Variants in LTBP1 observed in about 807,000 individuals in gnomAD.
The protein encoded by LTBP1 is latent transforming growth factor beta binding protein 1.
Under a neutral mutation model 207.6 loss-of-function variants are expected in LTBP1, and 129 were observed. That is an observed-to-expected ratio of 0.62 (90% CI 0.54 to 0.72). LTBP1 has a LOEUF of 0.72. LTBP1 is among the 30% of genes least tolerant of loss of function. The probability of loss-of-function intolerance (pLI) is 0.00; values close to 1 mark genes in which losing one functional copy is unlikely to be tolerated. For missense variants in LTBP1, 2,281 were observed against 2,217.2 expected (o/e 1.03, Z -0.58); for synonymous variants, 963 against 833.7 (o/e 1.16, Z -2.67).
intron 24 of LTBP1, among the ~76,000 whole-genome samples, chr2:33,332,395 AAAAGAG>A (rs1462359633): frequency 1.7e-4 from 23 of 131,448 alleles, no homozygotes; most frequent in Admixed American, 5.0e-4. Flanking sequence ...AAAAAAAAAA[AAAAGAG>A]AGAGAGAGAC....
rs760430769 is a variant in LTBP1, at chr2:33,342,927, G to A, written c.3820G>A (p.Gly1274Ser). 5 of 1,613,940 alleles carry A rather than the reference G, an allele frequency of 3.1e-6. No homozygotes were observed. The East Asian group carries it at 6.7e-5, about 22-fold the overall frequency. ...CTCCTTCCGCTGCCTCTGTTATCAG[G>A]GCTTTCAAGCCCCACAGGATGGGCA... is the stretch of plus-strand genomic sequence containing the variant. ...AGSFRCLCYQGFQAPQDGQGC... is the reference protein window; with the variant it reads ...AGSFRCLCYQSFQAPQDGQGC... The change falls in exon 25 of 34, where the codon GGC (glycine) becomes AGC (serine). Residue 1274 changes from glycine (G) to serine (S), a missense_variant. Physicochemically the swap from Gly to Ser is moderately conservative, Grantham distance 56 (BLOSUM62 0). Coordinates refer to ENST00000404816, the MANE Select transcript of LTBP1 (RefSeq NM_206943.4).
intron 5 of LTBP1, among the ~76,000 whole-genome samples, chr2:33,138,922 G>T (rs557072151): frequency 9.1e-5 from 12 of 131,162 alleles, no homozygotes; most frequent in Non-Finnish European, 1.5e-4. Flanking sequence ...GCAGTGGCGC[G>T]ATCTCGGCTC....
chr2:32,959,063 A>G (rs151271129), intron 2 of LTBP1, among the ~76,000 whole-genome samples: 22 of 152,320 alleles, frequency 1.4e-4, no homozygotes, highest in Admixed American at 4.6e-4. Context: ...ACTCCACCAC[A>G]TTTGAGTAAT....
intron 2 of LTBP1, among the ~76,000 whole-genome samples, chr2:32,959,621 A>ATATATATATTTTTTTTTTTTT (rs1475834284): frequency 5.5e-5 from 2 of 36,664 alleles, no homozygotes; most frequent in African/African-American, 9.6e-5. Context: ...ATATATATAT[A>ATATATATATTTTTTTTTTTTT]TTTTTTTTTT....
intron 7 of LTBP1, among the ~76,000 whole-genome samples, chr2:33,203,205 G>T (rs1157020524): frequency 2.6e-5 from 4 of 152,178 alleles, no homozygotes. Flanking sequence ...AGTGTTAGCT[G>T]GTCTTGTTCC....
Position 33,293,213 on chromosome 2 carries a change from C to A in LTBP1, c.3166C>A (p.Leu1056Ile). The change falls in exon 20 of 34, where the codon CTT becomes ATT. Residue 1056 changes from leucine (L) to isoleucine (I), a missense_variant. Transcript: ENST00000404816. ...NVCANGDCSNLEGSYMCSCHK... is the reference protein window; with the variant it reads ...NVCANGDCSNIEGSYMCSCHK... ...CTGCGCAAATGGTGATTGTTCCAAC[C>A]TTGAAGGCTCCTACATGTGTTCATG... 6.2e-7 allele frequency: 1 copy of A among 1,614,072 alleles called. No individual in the cohort carries two copies. The highest frequency in any genetic ancestry group is 8.5e-7 in the Non-Finnish European group (1 of 1,179,988).
intron 32 of LTBP1, among the ~76,000 whole-genome samples, chr2:33,396,812 G>A (rs1277525497): frequency 6.6e-6 from 1 of 152,162 alleles, no homozygotes; most frequent in African/African-American, 2.4e-5. Context: ...GCAAACTCAC[G>A]AAGTTTGGAA....
rs544463209 is a variant in LTBP1, at chr2:33,291,236, A to G, written c.3113-1924A>G. 7.2e-5 allele frequency among the ~76,000 whole-genome samples: 11 copies of G among 152,354 alleles called. No individual in the cohort carries two copies. In the South Asian group the frequency reaches 2.1e-3, roughly 29 times the overall value. On this transcript the variant is annotated intron_variant, in intron 19 of 33. Transcript: ENST00000404816. ...CTAGAAAAATAGAAGTTTTATAAGT[A>G]TCTCCTAAATGGTAATCTGCAGTGT...
chr2:33,149,763 G>A (rs1381562943), intron 5 of LTBP1, among the ~76,000 whole-genome samples: 8 of 152,162 alleles, frequency 5.3e-5, no homozygotes, highest in Admixed American at 4.6e-4. Context: ...AGAAGTGATC[G>A]TATAACAGAA....
intron 5 of LTBP1, among the ~76,000 whole-genome samples, chr2:33,135,172 T>C (rs201310440): frequency 4.6e-5 from 7 of 152,236 alleles, no homozygotes; most frequent in Non-Finnish European, 1.0e-4. Flanking sequence ...AACTAGAATA[T>C]TTTCCCTTAT....
chr2:33,163,029 T>C (rs2148176831), intron 5 of LTBP1, among the ~76,000 whole-genome samples: 1 of 152,334 alleles, frequency 6.6e-6, no homozygotes, highest in East Asian at 1.9e-4. Context: ...TCACCCAGGC[T>C]ACAGTGCAGT....
In LTBP1 at chr2:33,041,434, G is replaced by A. The variant is rs181487623; in HGVS notation, c.863+20228G>A. On this transcript the variant is annotated intron_variant, in intron 3 of 33. Coordinates refer to ENST00000404816, the MANE Select transcript of LTBP1 (RefSeq NM_206943.4). ...CAAGTAGCTGGGACTACAGGTGCCC[G>A]CCACCATGCCCAGCTAATTTTTGTA... is the stretch of plus-strand genomic sequence containing the variant. Among the ~76,000 whole-genome samples the A allele has an allele frequency of 3.9e-3, 587 of 152,168 alleles. 1 individual carries two copies. Among genetic ancestry groups the A allele is most frequent in the African/African-American group, 9.2e-3 (380 of 41,514 alleles).
At chr2:33,210,884 A>G (rs904586930) in intron 7 of LTBP1, among the ~76,000 whole-genome samples, 3 of 152,126 alleles carry the variant, frequency 2.0e-5, no homozygotes, top group Non-Finnish European at 2.9e-5. Context: ...ACACAGTCCT[A>G]CTTACTCTTG....
rs1297523149 is a variant in LTBP1 at position 33,222,265 on chromosome 2, C to T, written c.1876+114C>T. 8.2e-6 allele frequency: 6 copies of T among 729,556 alleles called. No individual in the cohort carries two copies. In the African/African-American group the frequency reaches 1.0e-4, roughly 13 times the overall value. 45.2% of individuals were successfully genotyped at this position (729,556 alleles called of 1,614,324 possible). On this transcript the variant is annotated intron_variant, in intron 9 of 33. Transcript: ENST00000404816. ...CCCAGCCTGTCACAGTGAACCACCT[C>T]ATGTTCACTCCTTTTGGCTAAGGAA...
rs2150582720 is a variant in LTBP1 at position 33,134,564 on chromosome 2, G to A, written c.1034-229G>A. On this transcript the variant is annotated intron_variant, in intron 4 of 33. Transcript: ENST00000404816. This position sits in a 1 kb window ranked among gnomAD's most constrained non-coding sequence, Gnocchi z 4.4. ...ATGTGGTTTTGGAGTGCATCCCAGA[G>A]TTCTGTTTGCTAAGCTTCCTACTCC... The A allele has an allele frequency of 6.5e-7, 1 of 1,532,570 alleles. No individual in the cohort carries two copies. Among genetic ancestry groups the A allele is most frequent in the East Asian group, 2.5e-5 (1 of 39,798 alleles). 94.9% of individuals were successfully genotyped at this position (1,532,570 alleles called of 1,614,324 possible).
intron 5 of LTBP1, among the ~76,000 whole-genome samples, chr2:33,141,016 A>G (rs1275088326): frequency 6.6e-6 from 1 of 152,218 alleles, no homozygotes; most frequent in Non-Finnish European, 1.5e-5. Context: ...GGCTAGTATT[A>G]GGAACAGTTA....
chr2:33,090,604 T>A (rs1171559911), intron 3 of LTBP1, among the ~76,000 whole-genome samples: 1 of 152,154 alleles, frequency 6.6e-6, no homozygotes, highest in African/African-American at 2.4e-5. Context: ...GAAACAGGCT[T>A]GGAAAGTTTA....
intron 33 of LTBP1, 138 bp downstream of exon 33, chr2:33,397,420 A>G: frequency 1.2e-6 from 1 of 817,798 alleles, no homozygotes; most frequent in South Asian, 1.7e-5. Context: ...TACATTAAGT[A>G]CAGTATGAAT....
chr2:33,012,635 T>A (rs774405427), intron 2 of LTBP1, among the ~76,000 whole-genome samples: 12 of 152,244 alleles, frequency 7.9e-5, no homozygotes, highest in Non-Finnish European at 1.8e-4. Flanking sequence ...TTTGTCTCCA[T>A]CTTTTGTCTG....
Sources: gnomAD v4.1 joint callset for allele counts (sites outside exome capture counted in the v4.1 genomes callset) on GRCh38, gnomAD v4.1.1 for gene constraint, Gnocchi (gnomAD v3.1) non-coding constraint, MANE v1.5 for transcripts, NCBI Gene and HGNC (gene_info 2026-07-23, HGNC 2026-07-21) for gene names.